SGMS1: variants seen among roughly 807,000 people sequenced by gnomAD.
SGMS1 encodes the protein sphingomyelin synthase 1.
SGMS1 carries 13 observed loss-of-function variants against 46.2 expected under a neutral mutation model. The observed-to-expected ratio is 0.28, with a 90% CI of 0.18 to 0.45. The LOEUF is 0.45. SGMS1 is among the 20% of genes least tolerant of loss of function. The pLI is 1.00. For synonymous variants in SGMS1, 203 were observed against 187.8 expected (o/e 1.08, Z -0.66); for missense variants, 324 against 519.9 (o/e 0.62, Z 3.66).
rs17179784 is a variant in SGMS1, at chr10:50,347,217, C to T, written c.-231-2872G>A. ...GTTAAGCACCCATAGATCTACATGC[C>T]CAGGGCTCAGAAGATAATCAATGTC... On this transcript the variant is annotated intron_variant, in intron 6 of 10. Coordinates refer to ENST00000361781, the MANE Select transcript of SGMS1 (RefSeq NM_147156.4). Among the ~76,000 whole-genome samples, 4,166 of 152,138 alleles carry T rather than the reference C, an allele frequency of 0.027. 510 individuals are homozygous for T. The East Asian group carries it at 0.36, about 13-fold the overall frequency.
At position 50,426,021 on chromosome 10, in the gene SGMS1, G is replaced by A. The variant is rs188890720; in HGVS notation, c.-232+7455C>T. 3.4e-3 allele frequency among the ~76,000 whole-genome samples: 511 copies of A among 152,066 alleles called. 2 individuals carry two copies. Among genetic ancestry groups the A allele is most frequent in the African/African-American group, 0.012 (490 of 41,476 alleles). ...GAAACAATCTAAACATACATCACCA[G>A]GATATTAATTAAAATAGATATGATA... On this transcript the variant is annotated intron_variant, in intron 6 of 10. Coordinates refer to ENST00000361781, the MANE Select transcript of SGMS1 (RefSeq NM_147156.4).
chr10:50,528,532 G>A (rs1837924736), intron 2 of SGMS1, among the ~76,000 whole-genome samples: 1 of 152,168 alleles, frequency 6.6e-6, no homozygotes, highest in Non-Finnish European at 1.5e-5. Flanking sequence ...GCATTTCCTT[G>A]GCACCAATCA....
intron 8 of SGMS1, among the ~76,000 whole-genome samples, chr10:50,312,977 A>G (rs1176784878): frequency 2.0e-5 from 3 of 152,222 alleles, no homozygotes. Context: ...GAGGAGTTTC[A>G]TAACTTGGGG....
chr10:50,460,482 T>C (rs1367754970), intron 5 of SGMS1, among the ~76,000 whole-genome samples, 191 bp downstream of exon 5: 1 of 152,024 alleles, frequency 6.6e-6, no homozygotes, highest in Non-Finnish European at 1.5e-5. Flanking sequence ...CATCAAAGAG[T>C]GACGAGTGAT....
chr10:50,414,213 C>G lies in SGMS1; in HGVS notation c.-232+19263G>C, dbSNP rs114918042. ...CCACAAGTTTGAGTTCGAGACCAACCTAGGCAACACAGTGAGACCTTGTCT... is the reference window on the plus strand; with the variant it reads ...CCACAAGTTTGAGTTCGAGACCAACGTAGGCAACACAGTGAGACCTTGTCT... On this transcript the variant is annotated intron_variant, in intron 6 of 10. Coordinates refer to ENST00000361781, the MANE Select transcript of SGMS1 (RefSeq NM_147156.4). Among the ~76,000 whole-genome samples the G allele has an allele frequency of 6.3e-3, 954 of 152,256 alleles. 7 individuals carry two copies. Among genetic ancestry groups the G allele is most frequent in the African/African-American group, 0.022 (904 of 41,532 alleles).
intron 6 of SGMS1, among the ~76,000 whole-genome samples, chr10:50,389,956 A>T (rs532142563): frequency 6.6e-6 from 1 of 152,322 alleles, no homozygotes; most frequent in South Asian, 2.1e-4. Context: ...TAGTTAACCA[A>T]TGACTTTGAA....
rs1412912317 is a variant in SGMS1, at chr10:50,551,200, T to TC, written c.-588-31280dup. Among the ~76,000 whole-genome samples the TC allele has an allele frequency of 4.6e-5, 7 of 151,890 alleles. No individual in the cohort carries two copies. In the East Asian group the frequency reaches 1.2e-3, roughly 25 times the overall value. On this transcript the variant is annotated intron_variant, in intron 2 of 10. Coordinates refer to ENST00000361781, the MANE Select transcript of SGMS1 (RefSeq NM_147156.4). The stretch of plus-strand genomic sequence containing the variant: ...TCAAGCTCAATATCAACGTGAGCAG[T>TC]CATGTTGGTACTATGTACTCTAGAT...
chr10:50,317,802 C>CTTT (rs143154915), intron 8 of SGMS1, among the ~76,000 whole-genome samples: 13 of 133,558 alleles, frequency 9.7e-5, no homozygotes, highest in African/African-American at 2.8e-4. Flanking sequence ...TTATTTCTTT[C>CTTT]TTTTTTTTTT....
At chr10:50,386,166 G>C (rs1589418577) in intron 6 of SGMS1, among the ~76,000 whole-genome samples, 1 of 152,174 alleles carries the variant, frequency 6.6e-6, no homozygotes, top group East Asian at 1.9e-4. Context: ...AACCCTAGAG[G>C]GGTCTTAAGA....
intron 3 of SGMS1, among the ~76,000 whole-genome samples, chr10:50,501,953 T>C (rs1014198090): frequency 2.0e-5 from 3 of 152,208 alleles, no homozygotes; most frequent in Non-Finnish European, 4.4e-5. Context: ...TGTTGTATGT[T>C]TGCTGGGGAA....
chr10:50,443,061 A>G (rs561873562), intron 5 of SGMS1, among the ~76,000 whole-genome samples: 1 of 152,354 alleles, frequency 6.6e-6, no homozygotes, highest in South Asian at 2.1e-4. Context: ...AGCCATGTTT[A>G]TCTCATAAGT....
intron 2 of SGMS1, among the ~76,000 whole-genome samples, chr10:50,575,869 T>A (rs1394263507): frequency 6.6e-6 from 1 of 152,004 alleles, no homozygotes; most frequent in African/African-American, 2.4e-5. Context: ...CCACAGAAAA[T>A]CAAAACAGAA....
chr10:50,404,892 TAAAGAA>T (rs1441003936), intron 6 of SGMS1, among the ~76,000 whole-genome samples: 1 of 152,118 alleles, frequency 6.6e-6, no homozygotes, highest in East Asian at 1.9e-4. Flanking sequence ...TTAAAGTGAA[TAAAGAA>T]GATCTGTATG....
At chr10:50,536,202 G>A (rs1838000210) in intron 2 of SGMS1, among the ~76,000 whole-genome samples, 1 of 151,942 alleles carries the variant, frequency 6.6e-6, no homozygotes, top group Admixed American at 6.6e-5. Context: ...AAATGGTGGT[G>A]CACGCGTATA....
chr10:50,548,445 A>G (rs1588873557), intron 2 of SGMS1, among the ~76,000 whole-genome samples: 2 of 152,364 alleles, frequency 1.3e-5, no homozygotes, highest in Non-Finnish European at 2.9e-5. Flanking sequence ...AACCTGACAA[A>G]AACAAGCAAT....
chr10:50,580,431 C>A (rs548514360), intron 2 of SGMS1, among the ~76,000 whole-genome samples: 1 of 151,528 alleles, frequency 6.6e-6, no homozygotes, highest in Non-Finnish European at 1.5e-5. Context: ...GGGACCCCCC[C>A]CCAAACCCCT....
At chr10:50,438,000 A>G (rs1294539274) in intron 5 of SGMS1, among the ~76,000 whole-genome samples, 2 of 152,206 alleles carry the variant, frequency 1.3e-5, no homozygotes, top group Non-Finnish European at 2.9e-5. Context: ...AGAGGAGGAA[A>G]AGCCACTCAG....
intron 1 of SGMS1, among the ~76,000 whole-genome samples, chr10:50,607,739 C>G (rs1564443339): frequency 6.6e-6 from 1 of 152,164 alleles, no homozygotes. Flanking sequence ...GTGCACAAAG[C>G]TGGGGTTAGG....
intron 2 of SGMS1, among the ~76,000 whole-genome samples, chr10:50,581,568 T>G (rs561904287): frequency 1.2e-4 from 19 of 152,302 alleles, no homozygotes; most frequent in African/African-American, 4.3e-4. Context: ...CTATTAATAT[T>G]CAATCCCTGA....
Sources: gnomAD v4.1 joint callset for allele counts (sites outside exome capture counted in the v4.1 genomes callset) on GRCh38, gnomAD v4.1.1 for gene constraint, MANE v1.5 for transcripts, NCBI Gene and HGNC (gene_info 2026-07-23, HGNC 2026-07-21) for gene names.